The following ACACA variants were observed in gnomAD, a reference collection of about 807,000 sequenced individuals.
ACACA encodes the protein acetyl-CoA carboxylase alpha.
ACACA carries 103 observed loss-of-function variants against 296.1 expected under a neutral mutation model. The observed-to-expected ratio is 0.35, with a 90% confidence interval of 0.30 to 0.41. The LOEUF (loss-of-function observed/expected upper bound fraction) is 0.41, where lower values mean the gene tolerates loss of function less well. Among genes scored for constraint, ACACA ranks in the 10% least tolerant of loss-of-function variants. ACACA has a pLI of 1.00. For missense variants in ACACA, 1,554 were observed against 2,989.7 expected (o/e 0.52, Z 11.20); for synonymous variants, 953 against 1,038.6 (o/e 0.92, Z 1.58).
chr17:37,322,917 A>T (rs2047423518), intron 3 of ACACA, among the ~76,000 whole-genome samples: 1 of 152,064 alleles, frequency 6.6e-6, no homozygotes, highest in South Asian at 2.1e-4. Flanking sequence ...AAAACCTTGC[A>T]CTCATCCTTC....
intron 19 of ACACA, among the ~76,000 whole-genome samples, 173 bp downstream of exon 19, chr17:37,246,653 G>A (rs550433757): frequency 6.6e-6 from 1 of 152,034 alleles, no homozygotes; most frequent in East Asian, 1.9e-4. Context: ...GGCTAGTCTC[G>A]AACTCCTGGG....
At chr17:37,353,602 G>A (rs1418521345) in intron 1 of ACACA, among the ~76,000 whole-genome samples, 1 of 114,738 alleles carries the variant, frequency 8.7e-6, no homozygotes, top group African/African-American at 3.4e-5. Flanking sequence ...TCACGTCACT[G>A]TACTCCAGCC....
chr17:37,221,769 C>A lies in ACACA; in HGVS notation c.3638G>T (p.Cys1213Phe), dbSNP rs776701888. The A allele has an allele frequency of 6.2e-7, 1 of 1,614,210 alleles. No individual in the cohort carries two copies. The highest frequency in any genetic ancestry group is 2.2e-5 in the East Asian group (1 of 44,892). Residue 1213 changes from cysteine (C) to phenylalanine (F), a missense_variant, in exon 29 of 56, where the codon TGT (cysteine) becomes TTT (phenylalanine). Cys to Phe is a radical substitution (Grantham distance 205, BLOSUM62 -2). Around this residue, in one of 16 missense-constraint regions of ACACA, gnomAD observed 15 missense variants for 18.8 expected, o/e 0.80. Coordinates refer to ENST00000616317, the MANE Select transcript of ACACA (RefSeq NM_198834.3). ...CAGCATGAACTGGAATTCCACCACA[C>A]AGGTGTTGTCCTTAAGCTGGCGGTG... ...VQHRQLKDNT[C>F]VVEFQFMLPT... is the part of the protein sequence containing the mutation.
chr17:37,220,217 A>G (rs1032400390), intron 29 of ACACA, among the ~76,000 whole-genome samples: 1 of 152,140 alleles, frequency 6.6e-6, no homozygotes, highest in Non-Finnish European at 1.5e-5. Flanking sequence ...AATTTCTCTC[A>G]TTTTTCAGCC....
intron 1 of ACACA, among the ~76,000 whole-genome samples, chr17:37,350,457 C>T (rs984276998): frequency 1.3e-5 from 2 of 151,874 alleles, no homozygotes; most frequent in African/African-American, 4.8e-5. Context: ...GAGGTTGAGG[C>T]TGCAGTGAGC....
intron 29 of ACACA, among the ~76,000 whole-genome samples, chr17:37,216,204 GTGTGTA>G (rs761050826): frequency 4.1e-5 from 6 of 146,526 alleles, no homozygotes; most frequent in African/African-American, 1.6e-4. Flanking sequence ...GTGTGTGTGT[GTGTGTA>G]TATATATATA....
At position 37,191,145 on chromosome 17, in the gene ACACA, G is replaced by A. The variant is rs372261380; in HGVS notation, c.4547C>T (p.Pro1516Leu). 6.2e-7 allele frequency: 1 copy of A among 1,613,934 alleles called. No homozygotes were observed. Among genetic ancestry groups the A allele is most frequent in the Non-Finnish European group, 8.5e-7 (1 of 1,179,992 alleles). Reference protein sequence around the residue: ...DCNHIFLNFVPTVIMDPSKIE... With the variant: ...DCNHIFLNFVLTVIMDPSKIE... Reference sequence around the variant, plus strand: ...CTTTGATGGGTCCATGATAACCGTGGGCACAAAGTTGAGGAAGATGTGGTT... The same window carrying A: ...CTTTGATGGGTCCATGATAACCGTGAGCACAAAGTTGAGGAAGATGTGGTT... The change falls in exon 38 of 56, where the codon CCC (proline) becomes CTC (leucine). Residue 1516 changes from proline (P) to leucine (L), a missense_variant. Physicochemically the swap from Pro to Leu is moderately conservative, Grantham distance 98. Transcript: ENST00000616317.
intron 49 of ACACA, among the ~76,000 whole-genome samples, chr17:37,122,031 G>A (rs1319074055): frequency 6.6e-6 from 1 of 152,096 alleles, no homozygotes; most frequent in Non-Finnish European, 1.5e-5. Flanking sequence ...CAACACTTTG[G>A]GAGGCTGAGG....
chr17:37,184,619 G>A (rs1206825322), intron 39 of ACACA, among the ~76,000 whole-genome samples: 1 of 152,182 alleles, frequency 6.6e-6, no homozygotes, highest in Non-Finnish European at 1.5e-5. Context: ...GGAGGCCAAG[G>A]TGGGAGGGTC....
intron 41 of ACACA, among the ~76,000 whole-genome samples, chr17:37,169,453 T>C (rs962079592): frequency 5.3e-5 from 8 of 152,178 alleles, no homozygotes; most frequent in Non-Finnish European, 8.8e-5. Context: ...GTTACAACAT[T>C]CAGGAGAAAT....
intron 1 of ACACA, among the ~76,000 whole-genome samples, chr17:37,344,085 TAAAA>T (rs1486072076): frequency 1.3e-5 from 2 of 149,576 alleles, no homozygotes; most frequent in African/African-American, 2.5e-5. Context: ...AACAAAAAAA[TAAAA>T]AGATAAAAAA....
At chr17:37,337,293 G>A (rs2048164217) in intron 2 of ACACA, among the ~76,000 whole-genome samples, 1 of 151,958 alleles carries the variant, frequency 6.6e-6, no homozygotes, top group Non-Finnish European at 1.5e-5. Context: ...GCATGCACCT[G>A]TAGTCCCAGC....
chr17:37,287,865 A>G (rs1248307548), intron 3 of ACACA, among the ~76,000 whole-genome samples: 3 of 152,208 alleles, frequency 2.0e-5, no homozygotes, highest in Non-Finnish European at 4.4e-5. Flanking sequence ...GGCACTCAAT[A>G]TAAAATGCTC....
chr17:37,206,445 C>T (rs1409316013), intron 32 of ACACA, among the ~76,000 whole-genome samples: 1 of 152,078 alleles, frequency 6.6e-6, no homozygotes, highest in African/African-American at 2.4e-5. Flanking sequence ...TATGATTGCA[C>T]CACTATGCAA....
intron 1 of ACACA, among the ~76,000 whole-genome samples, chr17:37,399,943 G>A (rs2051223461): frequency 6.6e-6 from 1 of 152,000 alleles, no homozygotes. Flanking sequence ...GTATATTCAT[G>A]ATGTACAACA....
At chr17:37,090,772 G>A (rs530815489) in intron 54 of ACACA, among the ~76,000 whole-genome samples, 26 of 152,050 alleles carry the variant, frequency 1.7e-4, no homozygotes, top group East Asian at 3.9e-4. Context: ...CCTAAACGTC[G>A]CCACCTAAAT....
intron 10 of ACACA, among the ~76,000 whole-genome samples, chr17:37,264,510 G>C (rs1306864466): frequency 6.6e-6 from 1 of 152,070 alleles, no homozygotes; most frequent in Non-Finnish European, 1.5e-5. Context: ...CTCTCTTTCT[G>C]TCTTTTATAG....
chr17:37,185,970 G>T (rs1016231641), intron 39 of ACACA, among the ~76,000 whole-genome samples: 1 of 152,152 alleles, frequency 6.6e-6, no homozygotes, highest in Non-Finnish European at 1.5e-5. Flanking sequence ...TGACATCAGT[G>T]TTCATTACAG....
At chr17:37,344,119 T>C (rs904166989) in intron 1 of ACACA, among the ~76,000 whole-genome samples, 1 of 151,554 alleles carries the variant, frequency 6.6e-6, no homozygotes, top group Non-Finnish European at 1.5e-5. Context: ...AATTTAAAAA[T>C]TTTTTTAAAA....
Sources: gnomAD v4.1 joint callset for allele counts (sites outside exome capture counted in the v4.1 genomes callset) on GRCh38, gnomAD v4.1.1 for gene constraint, gnomAD v4.1.1 regional missense constraint, MANE v1.5 for transcripts, NCBI Gene and HGNC (gene_info 2026-07-23, HGNC 2026-07-21) for gene names.